The following ARHGAP42 variants were observed in gnomAD, a reference collection of about 807,000 sequenced individuals.
ARHGAP42 encodes Rho GTPase activating protein 42.
ARHGAP42 carries 63 observed loss-of-function variants against 125.0 expected under a neutral mutation model. That is an observed-to-expected ratio of 0.50 (90% CI 0.41 to 0.62). ARHGAP42 has a LOEUF of 0.62. Among genes scored for constraint, ARHGAP42 ranks in the 20% least tolerant of loss-of-function variants. The pLI is 0.00. For synonymous variants in ARHGAP42, 339 were observed against 351.0 expected (o/e 0.97, Z 0.38); for missense variants, 766 against 1,024.2 (o/e 0.75, Z 3.44).
chr11:100,690,102 A>G (rs1413489610), intron 1 of ARHGAP42, among the ~76,000 whole-genome samples: 1 of 152,094 alleles, frequency 6.6e-6, no homozygotes, highest in Non-Finnish European at 1.5e-5. Context: ...GCGTCCCTGT[A>G]CCATAAGTCT....
chr11:100,955,647 G>T (rs1416792258), intron 12 of ARHGAP42, among the ~76,000 whole-genome samples: 1 of 152,050 alleles, frequency 6.6e-6, no homozygotes. Context: ...TCCTGTGTAG[G>T]ATACTTATCC....
intron 1 of ARHGAP42, 120 bp downstream of exon 1, chr11:100,687,952 A>G: frequency 8.8e-7 from 1 of 1,133,978 alleles, no homozygotes; most frequent in Non-Finnish European, 1.2e-6. Flanking sequence ...TGGGGACAAA[A>G]GCTGAAGAGC....
In ARHGAP42 at chr11:100,914,786, C is replaced by A. The variant is rs192087011; in HGVS notation, c.486+1233C>A. 1.8e-3 allele frequency among the ~76,000 whole-genome samples: 274 copies of A among 152,254 alleles called. 1 individual carries two copies. Among genetic ancestry groups the A allele is most frequent in the South Asian group, 0.018 (86 of 4,828 alleles). ...TTCCTGAACTGCTTTTCAAATTCATCCTGGTCCTCAGCTCTCTTTATTCCT... is the reference window on the plus strand; with the variant it reads ...TTCCTGAACTGCTTTTCAAATTCATACTGGTCCTCAGCTCTCTTTATTCCT... On this transcript the variant is annotated intron_variant, in intron 5 of 23. Transcript: ENST00000298815.
intron 1 of ARHGAP42, among the ~76,000 whole-genome samples, chr11:100,717,657 AG>A (rs1861688243): frequency 6.8e-6 from 1 of 147,430 alleles, no homozygotes; most frequent in Admixed American, 6.7e-5. Flanking sequence ...AAAAAAAAAA[AG>A]ATTCCATATA....
intron 1 of ARHGAP42, among the ~76,000 whole-genome samples, chr11:100,731,421 T>C (rs1363303405): frequency 6.6e-6 from 1 of 152,168 alleles, no homozygotes; most frequent in Non-Finnish European, 1.5e-5. Flanking sequence ...AGTGCAGGGA[T>C]TACAGGCGTG....
intron 2 of ARHGAP42, among the ~76,000 whole-genome samples, chr11:100,771,638 G>A (rs1379634733): frequency 6.6e-6 from 1 of 150,742 alleles, no homozygotes; most frequent in Non-Finnish European, 1.5e-5. Context: ...TTGCTCTGTC[G>A]CCCAGGCTGG....
chr11:100,897,883 T>A (rs1444881424), intron 4 of ARHGAP42, among the ~76,000 whole-genome samples: 1 of 152,188 alleles, frequency 6.6e-6, no homozygotes, highest in African/African-American at 2.4e-5. Context: ...CTATGTTGAA[T>A]AGGAGTGGTG....
At chr11:100,864,816 C>T (rs922125151) in intron 4 of ARHGAP42, among the ~76,000 whole-genome samples, 2 of 152,156 alleles carry the variant, frequency 1.3e-5, no homozygotes, top group Non-Finnish European at 2.9e-5. Flanking sequence ...TATGCCCAAA[C>T]TTACCCCTTG....
intron 3 of ARHGAP42, among the ~76,000 whole-genome samples, chr11:100,803,235 A>C (rs1307069801): frequency 6.6e-6 from 1 of 151,602 alleles, no homozygotes; most frequent in Non-Finnish European, 1.5e-5. Flanking sequence ...AATTGGATAG[A>C]TTTAGATGCG....
At chr11:100,695,622 C>A (rs1234372298) in intron 1 of ARHGAP42, among the ~76,000 whole-genome samples, 1 of 152,080 alleles carries the variant, frequency 6.6e-6, no homozygotes, top group Admixed American at 6.6e-5. Flanking sequence ...TTCATTTAAC[C>A]AGAATATTTG....
rs1218482148 is a variant in ARHGAP42, at chr11:100,687,614, C to T, written c.-65C>T. 1.7e-6 allele frequency: 2 copies of T among 1,194,584 alleles called. No homozygotes were observed. Among genetic ancestry groups the T allele is most frequent in the African/African-American group, 1.6e-5 (1 of 62,484 alleles). The allele number at this position is 1,194,584 out of a possible 1,614,324, so 74.0% of individuals were successfully genotyped here. ...CGACCCCAGCGCCCGCCGCGGCCGC[C>T]GGCTGCCCCCGCCCTGACCTCCGGC... On this transcript the variant is annotated 5_prime_UTR_variant, in exon 1 of 24. Coordinates refer to ENST00000298815, the MANE Select transcript of ARHGAP42 (RefSeq NM_152432.4).
chr11:100,929,669 T>A (rs11224517), intron 6 of ARHGAP42, among the ~76,000 whole-genome samples: 14,078 of 151,516 alleles, frequency 0.093, 945 homozygotes, highest in Non-Finnish European at 0.13. Flanking sequence ...CTAATAAGAA[T>A]CTTTCAAATG....
intron 1 of ARHGAP42, among the ~76,000 whole-genome samples, chr11:100,712,582 G>A (rs1331246740): frequency 6.6e-6 from 1 of 152,152 alleles, no homozygotes; most frequent in Non-Finnish European, 1.5e-5. Context: ...GGCAGGTGGT[G>A]GGAGGGAGGG....
At chr11:100,802,817 T>C (rs1863890945) in intron 3 of ARHGAP42, among the ~76,000 whole-genome samples, 1 of 152,174 alleles carries the variant, frequency 6.6e-6, no homozygotes, top group Non-Finnish European at 1.5e-5. Context: ...AGGCTTCTTT[T>C]GAACTTACAG....
intron 1 of ARHGAP42, among the ~76,000 whole-genome samples, chr11:100,702,086 A>G (rs181000706): frequency 5.3e-5 from 8 of 152,044 alleles, no homozygotes; most frequent in Admixed American, 2.6e-4. Flanking sequence ...GGAGATTGAG[A>G]CCAGCCTGGT....
At chr11:100,895,804 G>A (rs1417394074) in intron 4 of ARHGAP42, among the ~76,000 whole-genome samples, 1 of 151,834 alleles carries the variant, frequency 6.6e-6, no homozygotes, top group Non-Finnish European at 1.5e-5. Flanking sequence ...CAGTGAAAAA[G>A]GATGGAGCTC....
chr11:100,690,097 C>G (rs1375304295), intron 1 of ARHGAP42, among the ~76,000 whole-genome samples: 1 of 152,100 alleles, frequency 6.6e-6, no homozygotes, highest in East Asian at 1.9e-4. Context: ...TGGGAGCGTC[C>G]CTGTACCATA....
chr11:100,874,268 C>T (rs1052552241), intron 4 of ARHGAP42, among the ~76,000 whole-genome samples: 1 of 152,166 alleles, frequency 6.6e-6, no homozygotes, highest in Non-Finnish European at 1.5e-5. Context: ...CACCTAGTCC[C>T]AATAGACAGC....
At chr11:100,911,199 A>G (rs1866906254) in intron 4 of ARHGAP42, among the ~76,000 whole-genome samples, 1 of 152,162 alleles carries the variant, frequency 6.6e-6, no homozygotes, top group Admixed American at 6.6e-5. Flanking sequence ...TGTCCCTTGT[A>G]CCATGGATAA....
Sources: gnomAD v4.1 joint callset for allele counts (sites outside exome capture counted in the v4.1 genomes callset) on GRCh38, gnomAD v4.1.1 for gene constraint, MANE v1.5 for transcripts, NCBI Gene and HGNC (gene_info 2026-07-23, HGNC 2026-07-21) for gene names.